VSNL1: variants seen among roughly 807,000 people sequenced by gnomAD.
VSNL1 encodes visinin like 1.
In VSNL1, 6 loss-of-function variants were observed where a neutral mutation model predicts 20.4. That is an observed-to-expected ratio of 0.29 (90% CI 0.16 to 0.58). VSNL1 has a LOEUF of 0.58. VSNL1 is among the 20% of genes least tolerant of loss of function. VSNL1 has a pLI of 0.90. For synonymous variants in VSNL1, 93 were observed against 86.4 expected (o/e 1.08, Z -0.42); for missense variants, 100 against 234.5 (o/e 0.43, Z 3.75).
At chr2:17,552,601 T>C (rs1179759060) in intron 1 of VSNL1, among the ~76,000 whole-genome samples, 1 of 152,170 alleles carries the variant, frequency 6.6e-6, no homozygotes, top group East Asian at 1.9e-4. Flanking sequence ...ATGGGTTAAT[T>C]TGAACGAATT....
rs774166454 is a variant in VSNL1, at chr2:17,655,247, T to A, written c.429T>A (p.Asp143Glu). ...TGATCATGATGAAAATGAATGAGGA[T>A]GGCCTGACGCCTGAGCAGCGAGTAG... is the stretch of plus-strand genomic sequence containing the variant. ...GTVIMMKMNE[D>E]GLTPEQRVDK... Residue 143 changes from aspartate (D) to glutamate (E), a missense_variant, in exon 4 of 4, where the codon GAT (aspartate) becomes GAA (glutamate). Transcript: ENST00000295156. The surrounding 1 kb of genome is among the most constrained non-coding windows in gnomAD (Gnocchi z 5.2). 1 of 1,614,124 alleles carries A rather than the reference T, an allele frequency of 6.2e-7. No homozygotes were observed. Among genetic ancestry groups the A allele is most frequent in the Non-Finnish European group, 8.5e-7 (1 of 1,180,030 alleles).
chr2:17,548,294 C>T (rs982181710), intron 1 of VSNL1, among the ~76,000 whole-genome samples: 10 of 151,322 alleles, frequency 6.6e-5, no homozygotes, highest in African/African-American at 2.4e-4. Context: ...TCAGGTTTTC[C>T]CCCCTTCTTC....
At chr2:17,568,964 T>C (rs1664018909) in intron 1 of VSNL1, among the ~76,000 whole-genome samples, 1 of 152,184 alleles carries the variant, frequency 6.6e-6, no homozygotes, top group Non-Finnish European at 1.5e-5. Context: ...TTAACCAAAA[T>C]TTTCTTTCTG....
rs202196932 is a variant in VSNL1 at position 17,552,212 on chromosome 2, AC to A, written c.-6+11295del. ...GAGATTCCATCTCAAAAAAAAAAAA[AC>A]AAAAAAAAACTTAGCACGTACAGTG... On this transcript the variant is annotated intron_variant, in intron 1 of 3. Coordinates refer to ENST00000295156, the MANE Select transcript of VSNL1 (RefSeq NM_003385.5). Among the ~76,000 whole-genome samples the A allele has an allele frequency of 5.3e-5, 8 of 150,672 alleles. 2 individuals carry two copies. Among genetic ancestry groups the A allele is most frequent in the Admixed American group, 1.3e-4 (2 of 15,066 alleles).
chr2:17,542,846 G>T (rs1663318712), intron 1 of VSNL1, among the ~76,000 whole-genome samples: 1 of 152,218 alleles, frequency 6.6e-6, no homozygotes, highest in African/African-American at 2.4e-5. Context: ...AAGTTAGGCA[G>T]AGACCCTGTA....
At chr2:17,563,685 G>A (rs62131519) in intron 1 of VSNL1, among the ~76,000 whole-genome samples, 5,032 of 151,962 alleles carry the variant, frequency 0.033, 89 homozygotes, top group East Asian at 0.098. Flanking sequence ...AGCCGAGATC[G>A]CACCACTGCA....
At chr2:17,552,234 C>T (rs891984671) in intron 1 of VSNL1, among the ~76,000 whole-genome samples, 2 of 150,672 alleles carry the variant, frequency 1.3e-5, no homozygotes, top group Non-Finnish European at 2.9e-5. Context: ...TTAGCACGTA[C>T]AGTGCTCTGT....
chr2:17,609,294 C>T (rs1665026632), intron 2 of VSNL1, among the ~76,000 whole-genome samples: 1 of 152,184 alleles, frequency 6.6e-6, no homozygotes, highest in Non-Finnish European at 1.5e-5. Flanking sequence ...TCCTTCCCCT[C>T]AGGGTCAAGA....
chr2:17,571,116 T>C (rs1266639197), intron 1 of VSNL1, among the ~76,000 whole-genome samples: 1 of 152,142 alleles, frequency 6.6e-6, no homozygotes, highest in African/African-American at 2.4e-5. Context: ...TCCAAAGCAC[T>C]TTAAAATAGG....
intron 2 of VSNL1, among the ~76,000 whole-genome samples, chr2:17,616,566 A>C (rs1665221487): frequency 6.6e-6 from 1 of 152,162 alleles, no homozygotes; most frequent in South Asian, 2.1e-4. Context: ...GAGGGAAATG[A>C]ATTTGCTTCC....
intron 2 of VSNL1, among the ~76,000 whole-genome samples, chr2:17,594,078 G>T (rs1419926202): frequency 6.6e-6 from 1 of 152,194 alleles, no homozygotes; most frequent in Non-Finnish European, 1.5e-5. Context: ...TGCAGGAAAT[G>T]AGGTATTTTA....
chr2:17,611,465 T>C (rs1399940841), intron 2 of VSNL1, among the ~76,000 whole-genome samples: 4 of 152,156 alleles, frequency 2.6e-5, no homozygotes, highest in Non-Finnish European at 5.9e-5. Flanking sequence ...AAAGCTTGAA[T>C]AGAGATAAGA....
chr2:17,611,826 A>G (rs2343634), intron 2 of VSNL1, among the ~76,000 whole-genome samples: 45,795 of 152,182 alleles, frequency 0.3, 8,762 homozygotes, highest in Middle Eastern at 0.57. Flanking sequence ...TCAATTTATT[A>G]ATATTAACAT....
intron 1 of VSNL1, among the ~76,000 whole-genome samples, chr2:17,554,338 G>A (rs1038628168): frequency 6.6e-6 from 1 of 152,054 alleles, no homozygotes; most frequent in Non-Finnish European, 1.5e-5. Flanking sequence ...TGTGATTATT[G>A]GTTCCTATGG....
rs376556067 is a variant in VSNL1 at position 17,611,235 on chromosome 2, A to G, written c.162+18999A>G. On this transcript the variant is annotated intron_variant, in intron 2 of 3. Coordinates refer to ENST00000295156, the MANE Select transcript of VSNL1 (RefSeq NM_003385.5). ...TTATCCCCATTTTACAGATGAGGCAATCGAGGCACAAGGAGAGGAAGTAAC... is the reference window on the plus strand; with the variant it reads ...TTATCCCCATTTTACAGATGAGGCAGTCGAGGCACAAGGAGAGGAAGTAAC... Among the ~76,000 whole-genome samples the G allele has an allele frequency of 7.9e-5, 12 of 152,348 alleles. No individual in the cohort carries two copies. The East Asian group carries it at 1.5e-3, about 20-fold the overall frequency.
intron 1 of VSNL1, among the ~76,000 whole-genome samples, chr2:17,551,037 C>T (rs547339277): frequency 6.6e-6 from 1 of 152,300 alleles, no homozygotes; most frequent in Non-Finnish European, 1.5e-5. Context: ...AGCAGTAAGT[C>T]AACTGTGCAT....
intron 1 of VSNL1, among the ~76,000 whole-genome samples, chr2:17,582,048 C>G (rs1268866271): frequency 6.6e-6 from 1 of 152,202 alleles, no homozygotes; most frequent in African/African-American, 2.4e-5. Context: ...GGTACCTCCT[C>G]TACATCTTGA....
At chr2:17,619,079 G>A (rs1203469338) in intron 2 of VSNL1, among the ~76,000 whole-genome samples, 1 of 152,182 alleles carries the variant, frequency 6.6e-6, no homozygotes, top group Non-Finnish European at 1.5e-5. Context: ...CACGGCAGGG[G>A]CTCTCCCAGG....
chr2:17,584,541 G>A (rs1245339113), intron 1 of VSNL1, among the ~76,000 whole-genome samples: 2 of 152,062 alleles, frequency 1.3e-5, no homozygotes, highest in Non-Finnish European at 2.9e-5. Flanking sequence ...ACCAATGTCC[G>A]CTGCCAGCAC....
Sources: allele counts gnomAD v4.1 joint callset (sites outside exome capture counted in the v4.1 genomes callset), GRCh38; gene constraint gnomAD v4.1.1; non-coding constraint Gnocchi (gnomAD v3.1); transcripts MANE v1.5; gene names NCBI Gene and HGNC (gene_info 2026-07-23, HGNC 2026-07-21).